The following NGEF variants were observed in gnomAD, a reference collection of about 807,000 sequenced individuals.
NGEF encodes neuronal guanine nucleotide exchange factor, also known as ephexin-1.
NGEF carries 31 observed loss-of-function variants against 80.9 expected under a neutral mutation model. That is an observed-to-expected ratio of 0.38 (90% confidence interval 0.29 to 0.52). The LOEUF (loss-of-function observed/expected upper bound fraction) is 0.52, where lower values mean the gene tolerates loss of function less well. Among genes scored for constraint, NGEF ranks in the 20% least tolerant of loss-of-function variants. NGEF has a pLI of 0.84. For missense variants in NGEF, 709 were observed against 926.2 expected (o/e 0.77, Z 3.04); for synonymous variants, 371 against 370.2 (o/e 1.00, Z -0.03).
rs368768522 is a variant in NGEF at position 232,993,142 on chromosome 2, TATATATGGGCAAA to T, written c.-74-18191_-74-18179del. Reference sequence around the variant, plus strand: ...ATAAATAAATATATATTTATTTATATATATATGGGCAAATATATATATATTATATATATAAATA... The same window carrying T: ...ATAAATAAATATATATTTATTTATATTATATATATATTATATATATAAATA... On this transcript the variant is annotated intron_variant, in intron 1 of 14. Coordinates refer to ENST00000264051, the MANE Select transcript of NGEF (RefSeq NM_019850.3). Among the ~76,000 whole-genome samples the T allele has an allele frequency of 1.7e-3, 192 of 111,850 alleles. 4 individuals carry two copies. The highest frequency in any genetic ancestry group is 6.5e-3 in the African/African-American group (167 of 25,524). The allele number at this position is 111,850 out of a possible 152,430, so 73.4% of individuals were successfully genotyped here.
intron 1 of NGEF, among the ~76,000 whole-genome samples, chr2:232,976,316 A>T (rs1376700283): frequency 6.6e-6 from 1 of 152,122 alleles, no homozygotes; most frequent in Non-Finnish European, 1.5e-5. Flanking sequence ...AATGGGGAGC[A>T]TGGAGGGCTG....
intron 3 of NGEF, among the ~76,000 whole-genome samples, chr2:232,966,761 G>A (rs1484602724): frequency 6.6e-6 from 1 of 152,044 alleles, no homozygotes; most frequent in African/African-American, 2.4e-5. Flanking sequence ...TTACTACCAG[G>A]GCCCTTCCTT....
intron 3 of NGEF, among the ~76,000 whole-genome samples, chr2:232,945,737 T>G (rs763363039): frequency 6.6e-6 from 1 of 152,180 alleles, no homozygotes; most frequent in Non-Finnish European, 1.5e-5. Context: ...CAGTTTGTGG[T>G]GCTTTGTTCC....
chr2:232,955,888 A>G (rs192704305), intron 3 of NGEF, among the ~76,000 whole-genome samples: 3 of 152,286 alleles, frequency 2.0e-5, no homozygotes, highest in African/African-American at 7.2e-5. Flanking sequence ...ATGTTTCTCA[A>G]TTGGGACTTC....
chr2:232,930,895 A>G (rs979934960), intron 3 of NGEF, among the ~76,000 whole-genome samples: 2 of 152,238 alleles, frequency 1.3e-5, no homozygotes, highest in Non-Finnish European at 2.9e-5. Context: ...TTGTTCCAGC[A>G]TCAACTCTAA....
At chr2:232,970,888 A>G (rs1361879283) in intron 2 of NGEF, among the ~76,000 whole-genome samples, 2 of 152,220 alleles carry the variant, frequency 1.3e-5, no homozygotes, top group African/African-American at 4.8e-5. Context: ...GGAAAAAAAG[A>G]TATTGGAAAT....
intron 7 of NGEF, 125 bp from the exon 8 acceptor site, chr2:232,891,612 C>A (rs1691887672): frequency 8.9e-7 from 1 of 1,119,466 alleles, no homozygotes; most frequent in Non-Finnish European, 1.2e-6. Context: ...ATGTTGATTT[C>A]TTTCTTTGTT....
chr2:232,996,179 T>C (rs186522848), intron 1 of NGEF, among the ~76,000 whole-genome samples: 5 of 152,186 alleles, frequency 3.3e-5, no homozygotes, highest in Non-Finnish European at 7.4e-5. Flanking sequence ...AATACAAAAA[T>C]TAGCCGGGTG....
chr2:232,995,782 A>T (rs1694828684), intron 1 of NGEF, among the ~76,000 whole-genome samples: 1 of 147,252 alleles, frequency 6.8e-6, no homozygotes, highest in South Asian at 2.1e-4. Context: ...ATATACATAT[A>T]TGTATATGTA....
At chr2:232,949,830 A>G (rs1693643282) in intron 3 of NGEF, among the ~76,000 whole-genome samples, 2 of 138,756 alleles carry the variant, frequency 1.4e-5, no homozygotes, top group South Asian at 4.4e-4. Context: ...TTTTTTTTTT[A>G]GATGAAGTCT....
chr2:232,988,847 A>G (rs913877544), intron 1 of NGEF, among the ~76,000 whole-genome samples: 1 of 152,220 alleles, frequency 6.6e-6, no homozygotes, highest in African/African-American at 2.4e-5. Context: ...AGGAAGTTCC[A>G]TGTACAGTAC....
At chr2:233,009,023 C>A (rs1490436339) in intron 1 of NGEF, among the ~76,000 whole-genome samples, 1 of 152,204 alleles carries the variant, frequency 6.6e-6, no homozygotes, top group Non-Finnish European at 1.5e-5. Flanking sequence ...TCTTGAACTC[C>A]TGGCCTCAAG....
At chr2:232,936,958 T>C (rs1332028407) in intron 3 of NGEF, among the ~76,000 whole-genome samples, 1 of 151,126 alleles carries the variant, frequency 6.6e-6, no homozygotes, top group Non-Finnish European at 1.5e-5. Flanking sequence ...TAATCTGATT[T>C]ATTTTATTTT....
In NGEF at chr2:232,974,926, G is replaced by A. The variant is rs747734060; in HGVS notation, c.-36C>T. ...CCAGATGTTTCTCAGCAGAACGACT[G>A]GAGGTCAATGACTTTCCCAAGCTTC... On this transcript the variant is annotated 5_prime_UTR_variant, in exon 2 of 15. An upstream open reading frame in the 5' UTR gains an earlier in-frame stop. Transcript: ENST00000264051. 3.1e-6 allele frequency: 5 copies of A among 1,595,726 alleles called. No homozygotes were observed. The highest frequency in any genetic ancestry group is 4.5e-5 in the East Asian group (2 of 44,780).
intron 3 of NGEF, chr2:232,928,228 G>T (rs932665866): frequency 4.2e-6 from 4 of 959,180 alleles, no homozygotes; most frequent in Non-Finnish European, 4.9e-6. Flanking sequence ...CGCGCGCGGC[G>T]GGGGCGAGGC....
At chr2:232,900,068 A>C (rs1407923897) in intron 5 of NGEF, among the ~76,000 whole-genome samples, 1 of 147,906 alleles carries the variant, frequency 6.8e-6, no homozygotes, top group Non-Finnish European at 1.5e-5. Context: ...AGTCACTCAT[A>C]TACACGTTCA....
intron 1 of NGEF, among the ~76,000 whole-genome samples, chr2:232,993,128 T>TC: frequency 8.1e-6 from 1 of 122,760 alleles, no homozygotes; most frequent in Admixed American, 8.9e-5. Context: ...TAAATAAATA[T>TC]ATATTTATTT....
At chr2:232,920,168 C>A in intron 5 of NGEF, 116 bp downstream of exon 5, 1 of 970,428 alleles carries the variant, frequency 1.0e-6, no homozygotes, top group Non-Finnish European at 1.5e-6. Context: ...ACCCTGCCAG[C>A]GATTCCTCTG....
chr2:233,012,840 C>T (rs1321711252), intron 1 of NGEF: 1 of 471,108 alleles, frequency 2.1e-6, no homozygotes, highest in Admixed American at 2.3e-5. Context: ...GAGTCCTTAT[C>T]CTGATTCCCA....
Sources: gnomAD v4.1 joint callset for allele counts (sites outside exome capture counted in the v4.1 genomes callset) on GRCh38, gnomAD v4.1.1 for gene constraint, MANE v1.5 for transcripts, NCBI Gene and HGNC (gene_info 2026-07-23, HGNC 2026-07-21) for gene names.